Variants in ARID2 observed in about 807,000 individuals in gnomAD.
ARID2 encodes the protein AT-rich interaction domain 2.
In ARID2, 32 loss-of-function variants were observed where a neutral mutation model predicts 184.6. That is an observed-to-expected ratio of 0.17 (90% CI 0.13 to 0.23). The LOEUF (loss-of-function observed/expected upper bound fraction) is 0.23. Among genes scored for constraint, ARID2 ranks in the 10% least tolerant of loss-of-function variants. The probability of loss-of-function intolerance (pLI) is 1.00; values close to 1 mark genes in which losing one functional copy is unlikely to be tolerated. For synonymous variants in ARID2, 836 were observed against 772.6 expected (o/e 1.08, Z -1.36); for missense variants, 1,696 against 2,197.6 (o/e 0.77, Z 4.56).
At chr12:45,842,567 G>T (rs1171909649) in intron 11 of ARID2, among the ~76,000 whole-genome samples, 1 of 151,874 alleles carries the variant, frequency 6.6e-6, no homozygotes, top group Non-Finnish European at 1.5e-5. Flanking sequence ...GACCATCCTG[G>T]CCAACATGGT....
intron 6 of ARID2, among the ~76,000 whole-genome samples, chr12:45,823,182 A>G (rs1044641261): frequency 1.3e-5 from 2 of 152,166 alleles, no homozygotes; most frequent in African/African-American, 4.8e-5. Context: ...GAAACTGTAC[A>G]GATGTTAATA....
chr12:45,867,394 C>T (rs1216770830), intron 16 of ARID2, among the ~76,000 whole-genome samples: 1 of 152,188 alleles, frequency 6.6e-6, no homozygotes, highest in East Asian at 1.9e-4. Flanking sequence ...GCTAGGACTA[C>T]AGATGTGACC....
At chr12:45,786,043 C>A (rs1460328162) in intron 3 of ARID2, among the ~76,000 whole-genome samples, 3 of 152,074 alleles carry the variant, frequency 2.0e-5, no homozygotes, top group Admixed American at 6.6e-5. Context: ...TATTTAATGC[C>A]CAATATTGAA....
intron 12 of ARID2, among the ~76,000 whole-genome samples, chr12:45,848,429 T>C (rs1289171137): frequency 1.3e-5 from 2 of 152,098 alleles, no homozygotes; most frequent in Non-Finnish European, 2.9e-5. Flanking sequence ...TAACCTTAGT[T>C]CAGTTTCCCC....
intron 16 of ARID2, among the ~76,000 whole-genome samples, chr12:45,889,307 A>T: frequency 6.6e-6 from 1 of 152,196 alleles, no homozygotes; most frequent in Non-Finnish European, 1.5e-5. Flanking sequence ...AGGCTTAAAG[A>T]AAGTATACTA....
intron 2 of ARID2, among the ~76,000 whole-genome samples, chr12:45,730,496 C>A (rs1940967176): frequency 6.6e-6 from 1 of 151,488 alleles, no homozygotes; most frequent in Non-Finnish European, 1.5e-5. Flanking sequence ...CCCGCTCGCT[C>A]GCGAGTCAGC....
At chr12:45,837,209 CAT>C (rs1470430986) in intron 8 of ARID2, 110 bp from the exon 9 acceptor site, 12 of 1,172,912 alleles carry the variant, frequency 1.0e-5, no homozygotes, top group Non-Finnish European at 1.4e-5. Context: ...TTTACAATAA[CAT>C]TTTTTAACGT....
chr12:45,885,980 T>G (rs141752856), intron 16 of ARID2, among the ~76,000 whole-genome samples: 1 of 152,246 alleles, frequency 6.6e-6, no homozygotes, highest in African/African-American at 2.4e-5. Flanking sequence ...TCTCATGTCC[T>G]CACATTTCAA....
intron 16 of ARID2, among the ~76,000 whole-genome samples, chr12:45,889,754 A>T (rs890043399): frequency 6.6e-6 from 1 of 152,240 alleles, no homozygotes; most frequent in Non-Finnish European, 1.5e-5. Flanking sequence ...TCTGGCCAAC[A>T]TGGCGAAACC....
chr12:45,758,744 C>T (rs1237577199), intron 3 of ARID2, among the ~76,000 whole-genome samples: 1 of 152,152 alleles, frequency 6.6e-6, no homozygotes, highest in South Asian at 2.1e-4. Context: ...CTTGCCAGTA[C>T]ATCCTCCTTC....
At chr12:45,796,596 C>G (rs1942397143) in intron 3 of ARID2, among the ~76,000 whole-genome samples, 1 of 152,128 alleles carries the variant, frequency 6.6e-6, no homozygotes, top group African/African-American at 2.4e-5. Context: ...TCACTGCAAC[C>G]TCCGCCTCCT....
At chr12:45,846,293 T>C (rs1041846527) in intron 11 of ARID2, among the ~76,000 whole-genome samples, 19 of 152,296 alleles carry the variant, frequency 1.2e-4, no homozygotes, top group Middle Eastern at 3.4e-3. Context: ...TATGGGACTT[T>C]AAATTAGTTC....
chr12:45,811,353 G>C (rs2138082107), intron 3 of ARID2, 65 bp from the exon 4 acceptor site: 1 of 1,477,162 alleles, frequency 6.8e-7, no homozygotes, highest in Non-Finnish European at 9.1e-7. Flanking sequence ...CAAATATGTG[G>C]TGAGAGTTAA....
chr12:45,771,273 G>T (rs1221857262), intron 3 of ARID2, among the ~76,000 whole-genome samples: 1 of 151,522 alleles, frequency 6.6e-6, no homozygotes, highest in Non-Finnish European at 1.5e-5. Flanking sequence ...CAGGAGAATC[G>T]CTTGAGCCCG....
rs138992855 is a variant in ARID2 at position 45,808,736 on chromosome 12, CGTGTGTGT to C, written c.285-2665_285-2658del. ...GTTATTAAAAATGTGTGTTTGCGTGCGTGTGTGTGTGTGTGTGTGTGTGTATGTGTGTG... is the reference window on the plus strand; with the variant it reads ...GTTATTAAAAATGTGTGTTTGCGTGCGTGTGTGTGTGTGTGTATGTGTGTG... On this transcript the variant is annotated intron_variant, in intron 3 of 20. Coordinates refer to ENST00000334344, the MANE Select transcript of ARID2 (RefSeq NM_152641.4). 1.3e-4 allele frequency among the ~76,000 whole-genome samples: 19 copies of C among 147,590 alleles called. No individual in the cohort carries two copies. In the South Asian group the frequency reaches 3.3e-3, roughly 26 times the overall value.
intron 3 of ARID2, among the ~76,000 whole-genome samples, chr12:45,738,075 A>G (rs1032438281): frequency 4.6e-5 from 7 of 152,090 alleles, no homozygotes; most frequent in Non-Finnish European, 1.0e-4. Flanking sequence ...CTTTACATAT[A>G]TGTATGGTTT....
At chr12:45,852,937 G>T in intron 15 of ARID2, 41 bp downstream of exon 15, 2 of 1,495,350 alleles carry the variant, frequency 1.3e-6, no homozygotes, top group South Asian at 2.7e-5. Flanking sequence ...TGAAATTTCT[G>T]ATCTGTAAAT....
chr12:45,810,883 G>T (rs181752911), intron 3 of ARID2, among the ~76,000 whole-genome samples: 1 of 152,164 alleles, frequency 6.6e-6, no homozygotes, highest in East Asian at 1.9e-4. Flanking sequence ...TAGTGGTATG[G>T]TCTTTTCTGA....
chr12:45,893,975 G>A, intron 20 of ARID2: 1 of 272,108 alleles, frequency 3.7e-6, no homozygotes, highest in Non-Finnish European at 6.8e-6. Flanking sequence ...ATATAATTTA[G>A]AACAAAAAGC....
Sources: allele counts gnomAD v4.1 joint callset (sites outside exome capture counted in the v4.1 genomes callset), GRCh38; gene constraint gnomAD v4.1.1; transcripts MANE v1.5; gene names NCBI Gene and HGNC (gene_info 2026-07-23, HGNC 2026-07-21).